SCFD2: variants seen among roughly 807,000 people sequenced by gnomAD.
SCFD2 encodes the protein sec1 family domain containing 2.
A neutral mutation model predicts 58.9 loss-of-function variants in SCFD2; 54 were observed. That is an observed-to-expected ratio of 0.92 (90% CI 0.74 to 1.15). SCFD2 has a LOEUF of 1.15. SCFD2 is among the 50% of genes most tolerant of loss of function. The probability of loss-of-function intolerance (pLI) is 0.00; values close to 1 mark genes in which losing one functional copy is unlikely to be tolerated. For missense variants in SCFD2, 805 were observed against 836.6 expected (o/e 0.96, Z 0.47); for synonymous variants, 321 against 335.9 (o/e 0.96, Z 0.49).
At chr4:53,351,014 G>A (rs1359294845) in intron 2 of SCFD2, among the ~76,000 whole-genome samples, 3 of 152,162 alleles carry the variant, frequency 2.0e-5, no homozygotes, top group African/African-American at 7.2e-5. Flanking sequence ...CTGGCCTAAA[G>A]TCAAACATTC....
At chr4:53,176,189 T>A (rs1457813151) in intron 4 of SCFD2, among the ~76,000 whole-genome samples, 1 of 152,216 alleles carries the variant, frequency 6.6e-6, no homozygotes, top group African/African-American at 2.4e-5. Context: ...ACCAGATACA[T>A]TATAGCCTAC....
chr4:52,905,116 G>T (rs114722111), intron 7 of SCFD2, among the ~76,000 whole-genome samples: 2 of 152,204 alleles, frequency 1.3e-5, no homozygotes, highest in Non-Finnish European at 2.9e-5. Flanking sequence ...GCTGGTAAAT[G>T]GTTATAACCA....
intron 2 of SCFD2, among the ~76,000 whole-genome samples, chr4:53,315,802 T>C (rs1408604307): frequency 2.6e-5 from 4 of 152,172 alleles, no homozygotes; most frequent in African/African-American, 9.7e-5. Context: ...AGAATGTCAC[T>C]ACCCTCCTCT....
chr4:52,912,641 C>T (rs1346140816), intron 6 of SCFD2, among the ~76,000 whole-genome samples: 1 of 152,146 alleles, frequency 6.6e-6, no homozygotes, highest in East Asian at 1.9e-4. Context: ...CTTGTGCCTT[C>T]TTAATAAAAA....
At chr4:52,943,508 G>A (rs770227277) in intron 5 of SCFD2, among the ~76,000 whole-genome samples, 11 of 152,052 alleles carry the variant, frequency 7.2e-5, no homozygotes, top group Non-Finnish European at 1.0e-4. Context: ...GTATTAATCT[G>A]GCCTTCAAGC....
At chr4:53,309,816 C>A (rs1274525666) in intron 3 of SCFD2, among the ~76,000 whole-genome samples, 1 of 152,100 alleles carries the variant, frequency 6.6e-6, no homozygotes, top group African/African-American at 2.4e-5. Flanking sequence ...GCAGATGTTC[C>A]CATAGGCAGA....
intron 3 of SCFD2, among the ~76,000 whole-genome samples, chr4:53,307,050 C>A (rs572841502): frequency 3.9e-5 from 6 of 152,236 alleles, no homozygotes; most frequent in Non-Finnish European, 5.9e-5. Context: ...CCTGCCTATG[C>A]CTCTCATAGG....
chr4:53,098,405 G>A (rs1724727650), intron 5 of SCFD2, among the ~76,000 whole-genome samples: 1 of 152,168 alleles, frequency 6.6e-6, no homozygotes, highest in Non-Finnish European at 1.5e-5. Flanking sequence ...CATGTTATTG[G>A]TCTATTCAGG....
intron 5 of SCFD2, among the ~76,000 whole-genome samples, chr4:52,994,831 ATTTATCATCATTACC>A (rs1218946047): frequency 2.0e-5 from 3 of 152,150 alleles, no homozygotes; most frequent in Non-Finnish European, 4.4e-5. Context: ...CATACACTAT[ATTTATCATCATTACC>A]ATCATCATCG....
intron 5 of SCFD2, among the ~76,000 whole-genome samples, chr4:53,053,011 C>A (rs1456574468): frequency 6.6e-6 from 1 of 152,084 alleles, no homozygotes; most frequent in Non-Finnish European, 1.5e-5. Flanking sequence ...CACTTGCGGT[C>A]AGGAGTTCAA....
At chr4:53,023,597 C>T (rs1722401362) in intron 5 of SCFD2, among the ~76,000 whole-genome samples, 1 of 152,128 alleles carries the variant, frequency 6.6e-6, no homozygotes, top group South Asian at 2.1e-4. Flanking sequence ...CTAGATCAAT[C>T]TCATCTATAT....
chr4:53,075,409 C>T (rs1723943952), intron 5 of SCFD2, among the ~76,000 whole-genome samples: 1 of 152,186 alleles, frequency 6.6e-6, no homozygotes, highest in Non-Finnish European at 1.5e-5. Context: ...CGGAGGAGCA[C>T]TTTCAATTTC....
At chr4:52,988,952 ACTAT>A (rs1008448309) in intron 5 of SCFD2, among the ~76,000 whole-genome samples, 2 of 152,222 alleles carry the variant, frequency 1.3e-5, no homozygotes, top group African/African-American at 2.4e-5. Context: ...CAATGTGTCG[ACTAT>A]CTACCTGTTT....
chr4:53,321,057 G>T (rs1262733417), intron 2 of SCFD2, among the ~76,000 whole-genome samples: 3 of 151,992 alleles, frequency 2.0e-5, no homozygotes, highest in African/African-American at 7.2e-5. Flanking sequence ...GTCATTTTTT[G>T]ATAAATTATT....
At chr4:53,243,045 G>T (rs958179514) in intron 4 of SCFD2, among the ~76,000 whole-genome samples, 21 of 152,272 alleles carry the variant, frequency 1.4e-4, no homozygotes, top group African/African-American at 5.1e-4. Context: ...GAAGCAACTT[G>T]AAAAACATAT....
chr4:53,355,850 A>C (rs1734384528), intron 1 of SCFD2, among the ~76,000 whole-genome samples: 1 of 152,150 alleles, frequency 6.6e-6, no homozygotes, highest in South Asian at 2.1e-4. Flanking sequence ...ATGTTCTATC[A>C]TTAGGTAGCC....
chr4:53,158,589 T>TA (rs1726763950), intron 4 of SCFD2, among the ~76,000 whole-genome samples: 1 of 152,174 alleles, frequency 6.6e-6, no homozygotes, highest in African/African-American at 2.4e-5. Flanking sequence ...TCCCTTCTTA[T>TA]CCATTCCTTC....
At chr4:53,129,848 T>G (rs185007427) in intron 5 of SCFD2, among the ~76,000 whole-genome samples, 1 of 152,354 alleles carries the variant, frequency 6.6e-6, no homozygotes, top group East Asian at 1.9e-4. Context: ...ATACACCAAC[T>G]GCAAAACACA....
chr4:53,135,561 T>C (rs1379470814), intron 5 of SCFD2, among the ~76,000 whole-genome samples: 1 of 152,084 alleles, frequency 6.6e-6, no homozygotes, highest in African/African-American at 2.4e-5. Flanking sequence ...GCCAACATGG[T>C]GAAACCCCAT....
Sources: allele counts gnomAD v4.1 joint callset (sites outside exome capture counted in the v4.1 genomes callset), GRCh38; gene constraint gnomAD v4.1.1; transcripts MANE v1.5; gene names NCBI Gene and HGNC (gene_info 2026-07-23, HGNC 2026-07-21).